PRKG1: variants seen among roughly 807,000 people sequenced by gnomAD.
PRKG1 encodes protein kinase cGMP-dependent 1, also known as cGMP-dependent protein kinase 1.
A neutral mutation model predicts 88.1 loss-of-function variants in PRKG1; 35 were observed. The observed-to-expected ratio is 0.40, with a 90% CI of 0.30 to 0.53. The LOEUF (loss-of-function observed/expected upper bound fraction) is 0.53, where lower values mean the gene tolerates loss of function less well. PRKG1 is among the 20% of genes least tolerant of loss of function. The pLI is 0.59. For missense variants in PRKG1, 540 were observed against 839.8 expected, an observed-to-expected ratio of 0.64 and a Z score of 4.41; for synonymous variants, 303 against 292.5, an observed-to-expected ratio of 1.04 and a Z score of -0.37.
intron 2 of PRKG1, among the ~76,000 whole-genome samples, chr10:51,332,139 G>A (rs867032432): frequency 1.2e-4 from 19 of 152,194 alleles, no homozygotes; most frequent in African/African-American, 4.6e-4. Context: ...TGTCTGGTAT[G>A]CTTTTGAAGA....
rs551257383 is a variant in PRKG1, at chr10:51,947,168, C to T, written c.762+39598C>T. Among the ~76,000 whole-genome samples, 828 of 152,248 alleles carry T rather than the reference C, an allele frequency of 5.4e-3. 10 individuals are homozygous for T. The highest frequency in any genetic ancestry group is 0.044 in the South Asian group (210 of 4,822). On this transcript the variant is annotated intron_variant, in intron 5 of 17. Coordinates refer to ENST00000373980, the MANE Select transcript of PRKG1 (RefSeq NM_006258.4). Reference sequence around the variant, plus strand: ...TTACCTAAGCAAGCCTGGGCAATGGCAGGCTCCCCTCCCCCAGCCTCGCTG... The same window carrying T: ...TTACCTAAGCAAGCCTGGGCAATGGTAGGCTCCCCTCCCCCAGCCTCGCTG...
chr10:52,214,441 G>A (rs567490855), intron 9 of PRKG1, among the ~76,000 whole-genome samples: 34 of 152,196 alleles, frequency 2.2e-4, no homozygotes, highest in African/African-American at 3.1e-4. Context: ...AATCATCACC[G>A]CACTAACATT....
chr10:52,153,876 G>T (rs1163645636), intron 8 of PRKG1, among the ~76,000 whole-genome samples: 1 of 152,078 alleles, frequency 6.6e-6, no homozygotes, highest in East Asian at 1.9e-4. Context: ...CTCCTGAGTA[G>T]CTGGGATTAC....
chr10:51,286,247 G>A (rs1322381553), intron 2 of PRKG1, among the ~76,000 whole-genome samples: 5 of 152,048 alleles, frequency 3.3e-5, no homozygotes, highest in South Asian at 2.1e-4. Flanking sequence ...CTGGGATTAC[G>A]GACATGAGCC....
At chr10:51,586,979 T>C (rs1051999267) in intron 3 of PRKG1, among the ~76,000 whole-genome samples, 4 of 152,148 alleles carry the variant, frequency 2.6e-5, no homozygotes, top group Non-Finnish European at 5.9e-5. Context: ...GTGTGGCATA[T>C]TTTATAAATA....
intron 3 of PRKG1, among the ~76,000 whole-genome samples, chr10:51,596,537 T>C (rs1838453311): frequency 6.6e-6 from 1 of 152,154 alleles, no homozygotes; most frequent in Admixed American, 6.5e-5. Context: ...CTCCCTTTTT[T>C]TCCTCTTCCT....
chr10:52,268,871 T>C (rs182846757), intron 10 of PRKG1, among the ~76,000 whole-genome samples: 2 of 152,056 alleles, frequency 1.3e-5, no homozygotes, highest in Non-Finnish European at 2.9e-5. Flanking sequence ...TGGTGGTGCG[T>C]TTTCATTTAG....
At chr10:51,535,479 T>C (rs550892892) in intron 3 of PRKG1, among the ~76,000 whole-genome samples, 1 of 152,276 alleles carries the variant, frequency 6.6e-6, no homozygotes, top group South Asian at 2.1e-4. Context: ...ATTTAAAGTG[T>C]TTTGTGTCTT....
At chr10:52,230,621 C>CT (rs1295539163) in intron 9 of PRKG1, 3 of 152,178 alleles carry the variant, frequency 2.0e-5, no homozygotes, top group African/African-American at 7.2e-5. Context: ...TTACTGCCTC[C>CT]TTTATGCATC....
At chr10:51,173,883 T>G (rs748347411) in intron 2 of PRKG1, among the ~76,000 whole-genome samples, 6 of 151,870 alleles carry the variant, frequency 4.0e-5, no homozygotes, top group Non-Finnish European at 5.9e-5. Context: ...TGAGAGTGTT[T>G]TTCCTTATGC....
chr10:51,126,860 G>T (rs557204840), intron 1 of PRKG1, among the ~76,000 whole-genome samples: 1 of 152,130 alleles, frequency 6.6e-6, no homozygotes, highest in East Asian at 1.9e-4. Flanking sequence ...CAAGCAATGG[G>T]GAAGGATTCC....
At chr10:51,724,306 C>A (rs752326699) in intron 3 of PRKG1, among the ~76,000 whole-genome samples, 1 of 152,092 alleles carries the variant, frequency 6.6e-6, no homozygotes, top group African/African-American at 2.4e-5. Flanking sequence ...AAGTTTCTCC[C>A]GTGATTATAA....
At chr10:51,952,580 C>T (rs1329130312) in intron 5 of PRKG1, among the ~76,000 whole-genome samples, 2 of 152,142 alleles carry the variant, frequency 1.3e-5, no homozygotes, top group African/African-American at 2.4e-5. Flanking sequence ...GTGCCTAACA[C>T]ATTGCAAATG....
At chr10:51,734,120 A>G (rs1349504171) in intron 3 of PRKG1, among the ~76,000 whole-genome samples, 1 of 152,142 alleles carries the variant, frequency 6.6e-6, no homozygotes, top group Non-Finnish European at 1.5e-5. Context: ...AACCAAACCT[A>G]AAAATTACCA....
chr10:51,462,694 A>T (rs1246467817), intron 2 of PRKG1, among the ~76,000 whole-genome samples: 1 of 152,296 alleles, frequency 6.6e-6, no homozygotes, highest in Non-Finnish European at 1.5e-5. Context: ...ACATCTTTCA[A>T]TTATTCATGA....
intron 10 of PRKG1, among the ~76,000 whole-genome samples, chr10:52,265,518 A>T (rs565054259): frequency 6.6e-6 from 1 of 152,248 alleles, no homozygotes; most frequent in Admixed American, 6.5e-5. Context: ...AATTCTAAGG[A>T]TCAACTCACA....
chr10:51,585,391 G>A (rs571065863), intron 3 of PRKG1, among the ~76,000 whole-genome samples: 1 of 152,168 alleles, frequency 6.6e-6, no homozygotes, highest in South Asian at 2.1e-4. Flanking sequence ...TTTCCCATAT[G>A]ACGTTACACT....
intron 7 of PRKG1, among the ~76,000 whole-genome samples, chr10:52,133,304 TGAA>T (rs1351895998): frequency 6.6e-6 from 1 of 152,138 alleles, no homozygotes; most frequent in African/African-American, 2.4e-5. Flanking sequence ...CAAATGCTCT[TGAA>T]GAACCATAAC....
At chr10:51,875,758 G>A (rs1841281923) in intron 4 of PRKG1, among the ~76,000 whole-genome samples, 1 of 152,116 alleles carries the variant, frequency 6.6e-6, no homozygotes, top group Non-Finnish European at 1.5e-5. Context: ...TATGTGCAAG[G>A]ATATCATGTT....
Sources: allele counts gnomAD v4.1 joint callset (sites outside exome capture counted in the v4.1 genomes callset), GRCh38; gene constraint gnomAD v4.1.1; transcripts MANE v1.5; gene names NCBI Gene and HGNC (gene_info 2026-07-23, HGNC 2026-07-21).